The following NALCN variants were observed in gnomAD, a reference collection of about 807,000 sequenced individuals.
NALCN encodes the protein sodium leak channel, non-selective, also known as sodium leak channel NALCN.
NALCN carries 111 observed loss-of-function variants against 225.3 expected under a neutral mutation model. The observed-to-expected ratio is 0.49, with a 90% CI of 0.42 to 0.58. The LOEUF (loss-of-function observed/expected upper bound fraction) is 0.58, where lower values mean the gene tolerates loss of function less well. Ranked by LOEUF, NALCN falls within the 20% of genes least tolerant of loss-of-function variation. NALCN has a pLI of 0.00. For missense variants in NALCN, 1,378 were observed against 2,202.4 expected (o/e 0.63, Z 7.49); for synonymous variants, 764 against 769.0 (o/e 0.99, Z 0.11).
intron 7 of NALCN, among the ~76,000 whole-genome samples, chr13:101,315,071 A>G (rs2044505998): frequency 6.6e-6 from 1 of 152,164 alleles, no homozygotes; most frequent in Non-Finnish European, 1.5e-5. Flanking sequence ...ATAAATAATC[A>G]TTATTTGTTT....
chr13:101,133,024 T>C (rs770469481), intron 17 of NALCN, among the ~76,000 whole-genome samples: 2 of 152,174 alleles, frequency 1.3e-5, no homozygotes, highest in African/African-American at 2.4e-5. Context: ...TCATAGTTTT[T>C]ATATTTTACA....
At chr13:101,252,305 A>G (rs1387082033) in intron 11 of NALCN, among the ~76,000 whole-genome samples, 3 of 152,144 alleles carry the variant, frequency 2.0e-5, no homozygotes, top group African/African-American at 7.2e-5. Context: ...ATGAGATGAA[A>G]AATTTTATAT....
At chr13:101,173,490 A>T (rs1041682663) in intron 15 of NALCN, among the ~76,000 whole-genome samples, 1 of 152,178 alleles carries the variant, frequency 6.6e-6, no homozygotes, top group African/African-American at 2.4e-5. Flanking sequence ...TAGTTTCCTC[A>T]TCTGTAAGAT....
At chr13:101,073,504 G>T in intron 37 of NALCN, 80 bp downstream of exon 37, 1 of 1,200,918 alleles carries the variant, frequency 8.3e-7, no homozygotes, top group South Asian at 1.4e-5. Context: ...CGCTAACAAG[G>T]ATGATCCTGC....
In NALCN at chr13:101,292,013, T is replaced by C. The variant is rs775281216; in HGVS notation, c.1024A>G (p.Thr342Ala). The change falls in exon 9 of 44, where the codon ACT becomes GCT. Residue 342 changes from threonine to alanine, a missense_variant. Coordinates refer to ENST00000251127, the MANE Select transcript of NALCN (RefSeq NM_052867.4). This position sits in a 1 kb window ranked among gnomAD's most constrained non-coding sequence, Gnocchi z 4.3. Reference protein sequence around the residue: ...FQQMWGSRSSTTSTATTQMFH... With the variant: ...FQQMWGSRSSATSTATTQMFH... ...ACCTGGGTGGTGGCTGTTGAGGTAGTGCTGCTTCTCGATCCCCACATTTGT... is the reference window on the plus strand; with the variant it reads ...ACCTGGGTGGTGGCTGTTGAGGTAGCGCTGCTTCTCGATCCCCACATTTGT... 1 of 1,614,100 alleles carries C rather than the reference T, an allele frequency of 6.2e-7. No homozygotes were observed. The highest frequency in any genetic ancestry group is 2.2e-5 in the East Asian group (1 of 44,876).
At chr13:101,247,810 C>T (rs1048126083) in intron 11 of NALCN, among the ~76,000 whole-genome samples, 1 of 152,094 alleles carries the variant, frequency 6.6e-6, no homozygotes, top group South Asian at 2.1e-4. Context: ...CCCCTCCCCC[C>T]ACCTCCTGAT....
chr13:101,060,449 A>AT (rs55697849), intron 41 of NALCN, among the ~76,000 whole-genome samples: 25,983 of 93,334 alleles, frequency 0.28, 3,833 homozygotes, highest in Admixed American at 0.41. Context: ...TGGCTAATTA[A>AT]TTTTTTTTTT....
intron 6 of NALCN, 119 bp from the exon 7 acceptor site, chr13:101,345,539 C>A: frequency 8.3e-7 from 1 of 1,207,078 alleles, no homozygotes; most frequent in Middle Eastern, 2.9e-4. Flanking sequence ...GTTGCTCATG[C>A]CTGTAATCGT....
rs932277282 is a variant in NALCN at position 101,100,726 on chromosome 13, C to A, written c.3162+58G>T. On this transcript the variant is annotated intron_variant, in intron 27 of 43. Transcript: ENST00000251127. ...TTCCAAAGTGCTAGGATTGTAGGCACATGCCACCACACTTGGCCCTTAATT... is the reference window on the plus strand; with the variant it reads ...TTCCAAAGTGCTAGGATTGTAGGCAAATGCCACCACACTTGGCCCTTAATT... 4 of 1,411,580 alleles carry A rather than the reference C, an allele frequency of 2.8e-6. No homozygotes were observed. The Admixed American group carries it at 8.3e-5, about 29-fold the overall frequency. 87.4% of individuals were successfully genotyped at this position (1,411,580 alleles called of 1,614,324 possible).
Position 101,110,252 on chromosome 13 carries a change from T to C in NALCN, c.2364+367A>G, listed in dbSNP as rs919769514. 2.0e-5 allele frequency among the ~76,000 whole-genome samples: 3 copies of C among 152,242 alleles called. No homozygotes were observed. In the South Asian group the frequency reaches 6.2e-4, roughly 32 times the overall value. ...TATAAAGCCCTGAAATTATAGACCCTTGATCTAGATTCTAGAATATTCGAT... is the reference window on the plus strand; with the variant it reads ...TATAAAGCCCTGAAATTATAGACCCCTGATCTAGATTCTAGAATATTCGAT... On this transcript the variant is annotated intron_variant, in intron 20 of 43. Transcript: ENST00000251127.
chr13:101,265,085 A>G, intron 10 of NALCN, among the ~76,000 whole-genome samples: 1 of 152,166 alleles, frequency 6.6e-6, no homozygotes, highest in East Asian at 1.9e-4. Flanking sequence ...GCAGAGTTCT[A>G]AGAGAATACA....
At chr13:101,327,979 C>G (rs2045022092) in intron 7 of NALCN, among the ~76,000 whole-genome samples, 2 of 152,140 alleles carry the variant, frequency 1.3e-5, no homozygotes, top group Non-Finnish European at 2.9e-5. Context: ...AGAAAAGCAG[C>G]CACAGACCAT....
chr13:101,277,221 T>A (rs1343257483), intron 10 of NALCN, among the ~76,000 whole-genome samples: 1 of 152,138 alleles, frequency 6.6e-6, no homozygotes, highest in Non-Finnish European at 1.5e-5. Context: ...TTACTTATAG[T>A]AACTGGATGA....
In NALCN at chr13:101,053,804, T is replaced by G. The variant is rs1240276805; in HGVS notation, c.*1491A>C. 1 of 152,204 alleles carries G rather than the reference T, an allele frequency of 6.6e-6. No individual in the cohort carries two copies. Among genetic ancestry groups the G allele is most frequent in the Admixed American group, 6.5e-5 (1 of 15,280 alleles). The allele number at this position is 152,204 out of a possible 1,614,324, so 9.4% of individuals were successfully genotyped here. ...TTTTACAAATCCAATATTTATTTTA[T>G]CTTGTATGTACAAAAAGTAAACTCC... On this transcript the variant is annotated 3_prime_UTR_variant, in exon 44 of 44. Coordinates refer to ENST00000251127, the MANE Select transcript of NALCN (RefSeq NM_052867.4).
intron 15 of NALCN, among the ~76,000 whole-genome samples, chr13:101,173,893 G>T (rs1186738132): frequency 6.6e-6 from 1 of 152,040 alleles, no homozygotes; most frequent in Non-Finnish European, 1.5e-5. Context: ...AAAGTTTCAG[G>T]TATCCACATG....
chr13:101,181,295 A>G (rs1566393646), intron 14 of NALCN: 1 of 518,996 alleles, frequency 1.9e-6, no homozygotes, highest in South Asian at 1.4e-5. Context: ...CAGGATGGAC[A>G]GGCGTCTTGA....
intron 10 of NALCN, among the ~76,000 whole-genome samples, chr13:101,260,125 T>G (rs911537539): frequency 6.6e-6 from 1 of 152,174 alleles, no homozygotes; most frequent in African/African-American, 2.4e-5. Flanking sequence ...GAACATGTGA[T>G]GTTTGTCTTT....
chr13:101,217,506 ATCGAGTAGAAT>A (rs2040782365), intron 13 of NALCN, among the ~76,000 whole-genome samples: 1 of 152,156 alleles, frequency 6.6e-6, no homozygotes, highest in Non-Finnish European at 1.5e-5. Flanking sequence ...TTGTTTTTCC[ATCGAGTAGAAT>A]TCGAGCATCC....
At chr13:101,194,454 C>A (rs1173887546) in intron 13 of NALCN, among the ~76,000 whole-genome samples, 1 of 152,068 alleles carries the variant, frequency 6.6e-6, no homozygotes, top group Non-Finnish European at 1.5e-5. Context: ...TTGAAGGGTG[C>A]CTTATCAGTT....
Sources: gnomAD v4.1 joint callset for allele counts (sites outside exome capture counted in the v4.1 genomes callset) on GRCh38, gnomAD v4.1.1 for gene constraint, Gnocchi (gnomAD v3.1) non-coding constraint, MANE v1.5 for transcripts, NCBI Gene and HGNC (gene_info 2026-07-23, HGNC 2026-07-21) for gene names.